WDR3: variants seen among roughly 807,000 people sequenced by gnomAD.
The protein encoded by WDR3 is WD repeat domain 3.
Under a neutral mutation model 123.7 loss-of-function variants are expected in WDR3, and 81 were observed. The observed-to-expected ratio is 0.65, with a 90% CI of 0.55 to 0.79. The LOEUF (loss-of-function observed/expected upper bound fraction) is 0.79. Ranked by LOEUF, WDR3 falls within the 30% of genes least tolerant of loss-of-function variation. The pLI, the probability that WDR3 is intolerant of heterozygous loss-of-function variation, is 0.00. For synonymous variants in WDR3, 390 were observed against 388.8 expected, an observed-to-expected ratio of 1.00 and a Z score of -0.04; for missense variants, 1,027 against 1,123.2, an observed-to-expected ratio of 0.91 and a Z score of 1.22.
At chr1:117,938,161 G>C (rs775275129) in intron 4 of WDR3, among the ~76,000 whole-genome samples, 3 of 152,176 alleles carry the variant, frequency 2.0e-5, no homozygotes, top group African/African-American at 4.8e-5. Context: ...ATGGTAGACT[G>C]TCTGAGGGGA....
Position 117,958,955 on chromosome 1 carries a change from G to C in WDR3, c.2628G>C (p.Val876=). The part of the protein sequence containing the change: ...QITSNQMLVP[V]IEKLRETTIS... The stretch of plus-strand genomic sequence containing the variant: ...CTAGCAATCAAATGCTTGTGCCAGT[G>C]ATAGAAAAATTAAGGGAAACAACTA... Residue 876 remains valine (V), a synonymous_variant, in exon 26 of 27, where the codon GTG becomes GTC. Coordinates refer to ENST00000349139, the MANE Select transcript of WDR3 (RefSeq NM_006784.3). 6.2e-7 allele frequency: 1 copy of C among 1,613,970 alleles called. No homozygotes were observed. The highest frequency in any genetic ancestry group is 8.5e-7 in the Non-Finnish European group (1 of 1,179,942).
At chr1:117,938,406 G>A (rs1005532140) in intron 4 of WDR3, 74 bp from the exon 5 acceptor site, 36 of 1,215,874 alleles carry the variant, frequency 3.0e-5, no homozygotes, top group Non-Finnish European at 3.8e-5. Context: ...GCAACAGTGA[G>A]TTTTGGATCT....
intron 23 of WDR3, 106 bp downstream of exon 23, chr1:117,954,733 C>T: frequency 8.6e-7 from 1 of 1,164,292 alleles, no homozygotes; most frequent in Non-Finnish European, 1.2e-6. Flanking sequence ...ATTGGGAATA[C>T]TTTGTCTTCA....
Position 117,963,702 on chromosome 1 carries a change from T to C in WDR3, c.*4255T>C, listed in dbSNP as rs1371844469. The C allele has an allele frequency of 4.3e-6, 5 of 1,171,044 alleles. No homozygotes were observed. The highest frequency in any genetic ancestry group is 5.0e-5 in the East Asian group (2 of 39,946). 72.5% of individuals were successfully genotyped at this position (1,171,044 alleles called of 1,614,324 possible). On this transcript the variant is annotated 3_prime_UTR_variant, in exon 27 of 27. Transcript: ENST00000349139. ...TCATTCATTCAGGCCAGGTGGCTTATAGGTTTCTGACTATAAGAAGAGGGG... is the reference window on the plus strand; with the variant it reads ...TCATTCATTCAGGCCAGGTGGCTTACAGGTTTCTGACTATAAGAAGAGGGG...
In WDR3 at chr1:117,959,615, G is replaced by T; in HGVS notation, c.*168G>T. The T allele has an allele frequency of 3.2e-6, 2 of 626,772 alleles. No individual in the cohort carries two copies. Among genetic ancestry groups the T allele is most frequent in the Non-Finnish European group, 5.0e-6 (2 of 403,526 alleles). The allele number at this position is 626,772 out of a possible 1,614,324, so 38.8% of individuals were successfully genotyped here. A position where few individuals can be genotyped will look rare whatever the true frequency, so the allele number is the denominator to read the frequency against. On this transcript the variant is annotated 3_prime_UTR_variant, in exon 27 of 27. Coordinates refer to ENST00000349139, the MANE Select transcript of WDR3 (RefSeq NM_006784.3). ...TTTGCCTGAGGGAATTCCAACATGA[G>T]ATTATGGGCTGGCTCCATTTCTTGG...
In WDR3 at chr1:117,962,160, C is replaced by G. The variant is rs949648853; in HGVS notation, c.*2713C>G. 3 of 152,142 alleles carry G rather than the reference C, an allele frequency of 2.0e-5. No individual in the cohort carries two copies. The highest frequency in any genetic ancestry group is 4.4e-5 in the Non-Finnish European group (3 of 68,016). 9.4% of individuals were successfully genotyped at this position (152,142 alleles called of 1,614,324 possible). A position where few individuals can be genotyped will look rare whatever the true frequency, so the allele number is the denominator to read the frequency against. ...AGTGCTAGGGAATGTAAAGATGTTT[C>G]TGTCTGCTAAGTGTTATACTAATCG... On this transcript the variant is annotated 3_prime_UTR_variant, in exon 27 of 27. Transcript: ENST00000349139.
At chr1:117,941,986 C>T in intron 9 of WDR3, 139 bp downstream of exon 9, 4 of 1,348,992 alleles carry the variant, frequency 3.0e-6, no homozygotes, top group Non-Finnish European at 2.9e-6. Context: ...GTATCGATAA[C>T]CCAAATTTGT....
Position 117,941,169 on chromosome 1 carries a change from A to C in WDR3, c.835A>C (p.Arg279=). 6.2e-7 allele frequency: 1 copy of C among 1,614,150 alleles called. No homozygotes were observed. The highest frequency in any genetic ancestry group is 8.5e-7 in the Non-Finnish European group (1 of 1,179,982). The change falls in exon 8 of 27, where the codon AGA becomes CGA. Residue 279 remains arginine, a synonymous_variant. Coordinates refer to ENST00000349139, the MANE Select transcript of WDR3 (RefSeq NM_006784.3). ...AGCTGGTTCCATAATGCGGGAAGGA[A>C]GAGACAGAGTTGTAAACCTTGCAGT... ...RKAGSIMREG[R]DRVVNLAVDK...
intron 16 of WDR3, 55 bp downstream of exon 16, chr1:117,950,945 T>C: frequency 7.0e-7 from 1 of 1,436,030 alleles, no homozygotes; most frequent in Non-Finnish European, 9.6e-7. Flanking sequence ...CAGCAGATAC[T>C]TTCTTAATTC....
chr1:117,966,327 T>G lies in WDR3; in HGVS notation c.*6880T>G, dbSNP rs1440502419. 3.9e-6 allele frequency: 1 copy of G among 255,816 alleles called. No homozygotes were observed. The highest frequency in any genetic ancestry group is 7.3e-6 in the Non-Finnish European group (1 of 136,586). The allele number at this position is 255,816 out of a possible 1,614,324, so 15.8% of individuals were successfully genotyped here. On this transcript the variant is annotated 3_prime_UTR_variant, in exon 27 of 27. Transcript: ENST00000349139. ...AAAATTATAATTTTTTTGTGATAGA[T>G]ACTTGCTGTTTTATTATTCTGTCTG...
Position 117,952,095 on chromosome 1 carries a change from A to G in WDR3, c.1904+19A>G, listed in dbSNP as rs1571021629. The G allele has an allele frequency of 6.2e-7, 1 of 1,607,064 alleles. No individual in the cohort carries two copies. The highest frequency in any genetic ancestry group is 1.1e-5 in the South Asian group (1 of 90,482). ...ATGACAGGTATGTATAGTCTTTTCAAATGTCTCCCTTTGAGTCACCTGTAA... is the reference window on the plus strand; with the variant it reads ...ATGACAGGTATGTATAGTCTTTTCAGATGTCTCCCTTTGAGTCACCTGTAA... On this transcript the variant is annotated intron_variant, in intron 17 of 26. Coordinates refer to ENST00000349139, the MANE Select transcript of WDR3 (RefSeq NM_006784.3).
Position 117,942,501 on chromosome 1 carries a change from G to A in WDR3, c.1054G>A (p.Glu352Lys). ...EVNVEMSLQD[E>K]IQRVTNIKTS... ...TAATGTTGAAATGAGTCTGCAAGAT[G>A]AAATCCAGCGGGTGACTAATATAAA... Residue 352 changes from glutamate to lysine, a missense_variant, in exon 10 of 27, where the codon GAA becomes AAA. By Grantham distance (56) the Glu-to-Lys change is moderately conservative. Coordinates refer to ENST00000349139, the MANE Select transcript of WDR3 (RefSeq NM_006784.3). The A allele has an allele frequency of 1.2e-6, 2 of 1,614,048 alleles. No homozygotes were observed. The highest frequency in any genetic ancestry group is 8.5e-7 in the Non-Finnish European group (1 of 1,179,952).
At chr1:117,945,923 G>A (rs368741528) in intron 11 of WDR3, among the ~76,000 whole-genome samples, 163 bp from the exon 12 acceptor site, 16 of 152,272 alleles carry the variant, frequency 1.1e-4, no homozygotes, top group African/African-American at 3.8e-4. Context: ...GTGCTTTTTA[G>A]TATTTTCTCC....
At chr1:117,943,204 C>T (rs1179299538) in intron 10 of WDR3, among the ~76,000 whole-genome samples, 192 bp from the exon 11 acceptor site, 1 of 152,148 alleles carries the variant, frequency 6.6e-6, no homozygotes, top group Non-Finnish European at 1.5e-5. Context: ...CCACCCGCCT[C>T]GGCCTCCCAA....
Position 117,966,473 on chromosome 1 carries a change from C to G in WDR3, c.*7026C>G. ...GCTTTCAAAGATGAATGAAGATGCT[C>G]TTTGTCTTAATAAATTTAACTCTGA... On this transcript the variant is annotated 3_prime_UTR_variant, in exon 27 of 27. Coordinates refer to ENST00000349139, the MANE Select transcript of WDR3 (RefSeq NM_006784.3). The G allele has an allele frequency of 1.1e-6, 1 of 900,734 alleles. No individual in the cohort carries two copies. Among genetic ancestry groups the G allele is most frequent in the South Asian group, 2.6e-5 (1 of 37,782 alleles). 55.8% of individuals were successfully genotyped at this position (900,734 alleles called of 1,614,324 possible).
intron 6 of WDR3, among the ~76,000 whole-genome samples, chr1:117,939,795 T>C (rs2101200168): frequency 6.6e-6 from 1 of 152,346 alleles, no homozygotes; most frequent in Admixed American, 6.5e-5. Flanking sequence ...GTAATACTAA[T>C]GTTTTAGTTT....
At chr1:117,938,871 A>G (rs1048952684) in intron 5 of WDR3, among the ~76,000 whole-genome samples, 3 of 152,192 alleles carry the variant, frequency 2.0e-5, no homozygotes, top group Non-Finnish European at 2.9e-5. Flanking sequence ...CACCTAGCTT[A>G]TTGACAGGTA....
intron 14 of WDR3, 73 bp downstream of exon 14, chr1:117,949,909 A>G (rs1651543722): frequency 3.1e-6 from 5 of 1,610,064 alleles, no homozygotes; most frequent in South Asian, 1.1e-5. Flanking sequence ...TTGACGTCTT[A>G]TATCATTTGT....
intron 12 of WDR3, 35 bp downstream of exon 12, chr1:117,946,214 T>A: frequency 6.5e-7 from 1 of 1,542,062 alleles, no homozygotes; most frequent in Non-Finnish European, 8.9e-7. Flanking sequence ...ATCTGGATCT[T>A]TTCTACTCAA....
Sources: allele counts gnomAD v4.1 joint callset (sites outside exome capture counted in the v4.1 genomes callset), GRCh38; gene constraint gnomAD v4.1.1; transcripts MANE v1.5; gene names NCBI Gene and HGNC (gene_info 2026-07-23, HGNC 2026-07-21).